The following SLC9A9 variants were observed in gnomAD, a reference collection of about 807,000 sequenced individuals.
SLC9A9 encodes sodium/hydrogen exchanger 9.
A neutral mutation model predicts 77.8 loss-of-function variants in SLC9A9; 62 were observed. That is an observed-to-expected ratio of 0.80 (90% CI 0.65 to 0.98). The LOEUF (loss-of-function observed/expected upper bound fraction) is 0.98, where lower values mean the gene tolerates loss of function less well. Ranked by LOEUF, SLC9A9 falls within the 50% of genes least tolerant of loss-of-function variation. The probability of loss-of-function intolerance (pLI) is 0.00; values close to 1 mark genes in which losing one functional copy is unlikely to be tolerated. For synonymous variants in SLC9A9, 320 were observed against 283.5 expected (o/e 1.13, Z -1.29); for missense variants, 775 against 774.9 (o/e 1.00, Z 0.00).
At chr3:143,356,642 T>C (rs1326455516) in intron 14 of SLC9A9, among the ~76,000 whole-genome samples, 2 of 152,140 alleles carry the variant, frequency 1.3e-5, no homozygotes, top group African/African-American at 4.8e-5. Flanking sequence ...TGCCTCAGCC[T>C]TCCTAGTTGG....
intron 14 of SLC9A9, among the ~76,000 whole-genome samples, chr3:143,304,453 T>C (rs928821315): frequency 1.3e-5 from 2 of 152,184 alleles, no homozygotes; most frequent in Non-Finnish European, 2.9e-5. Flanking sequence ...CAAAGCCTCT[T>C]GATAAGTTTG....
At chr3:143,614,648 C>G (rs1245957217) in intron 6 of SLC9A9, among the ~76,000 whole-genome samples, 3 of 152,112 alleles carry the variant, frequency 2.0e-5, no homozygotes, top group African/African-American at 7.2e-5. Flanking sequence ...GGTTTTTTAT[C>G]TCTCTATTAG....
chr3:143,622,103 T>C (rs1447597831), intron 6 of SLC9A9, among the ~76,000 whole-genome samples: 1 of 152,012 alleles, frequency 6.6e-6, no homozygotes, highest in Non-Finnish European at 1.5e-5. Flanking sequence ...CTCCAAGAAA[T>C]ATGGGACTAT....
chr3:143,635,058 C>T (rs1007842798), intron 6 of SLC9A9, among the ~76,000 whole-genome samples: 1 of 152,120 alleles, frequency 6.6e-6, no homozygotes, highest in African/African-American at 2.4e-5. Context: ...ATTTTGTTCA[C>T]ATTTCTGCAA....
At chr3:143,500,544 A>G (rs2035907536) in intron 9 of SLC9A9, among the ~76,000 whole-genome samples, 1 of 152,028 alleles carries the variant, frequency 6.6e-6, no homozygotes, top group Admixed American at 6.6e-5. Context: ...CCTGGATGTC[A>G]TGGCTGCTCA....
intron 4 of SLC9A9, among the ~76,000 whole-genome samples, chr3:143,736,831 C>T (rs1934954019): frequency 6.6e-6 from 1 of 152,196 alleles, no homozygotes; most frequent in African/African-American, 2.4e-5. Flanking sequence ...GATGACTCTC[C>T]TGAGCTAGGC....
intron 9 of SLC9A9, among the ~76,000 whole-genome samples, chr3:143,501,372 C>CATAATTTTAATTATAATGAGG (rs1164734496): frequency 1.0e-4 from 15 of 150,622 alleles, no homozygotes; most frequent in Non-Finnish European, 2.1e-4. Flanking sequence ...TGGACATTTG[C>CATAATTTTAATTATAATGAGG]ATAATTTTAA....
At chr3:143,683,277 G>A (rs562548131) in intron 5 of SLC9A9, among the ~76,000 whole-genome samples, 14 of 152,160 alleles carry the variant, frequency 9.2e-5, no homozygotes, top group African/African-American at 3.1e-4. Flanking sequence ...TGCAAAAACT[G>A]AGGAATTCGA....
intron 14 of SLC9A9, among the ~76,000 whole-genome samples, chr3:143,270,208 C>G (rs1213264804): frequency 1.3e-5 from 2 of 152,142 alleles, no homozygotes; most frequent in Non-Finnish European, 2.9e-5. Context: ...AAGTTCAGAG[C>G]CTGGTATTTG....
chr3:143,270,980 C>T (rs1937880419), intron 14 of SLC9A9, among the ~76,000 whole-genome samples: 1 of 152,154 alleles, frequency 6.6e-6, no homozygotes, highest in African/African-American at 2.4e-5. Context: ...AAATCGTGTG[C>T]CATTCTGAGT....
intron 1 of SLC9A9, among the ~76,000 whole-genome samples, chr3:143,836,982 AT>A (rs2108893521): frequency 6.6e-6 from 1 of 152,226 alleles, no homozygotes; most frequent in African/African-American, 2.4e-5. Context: ...TTCATAACCA[AT>A]TTCCCTTGCA....
intron 4 of SLC9A9, among the ~76,000 whole-genome samples, chr3:143,747,247 T>C (rs1446521266): frequency 6.6e-6 from 1 of 151,762 alleles, no homozygotes; most frequent in Non-Finnish European, 1.5e-5. Flanking sequence ...CTACTAAAAA[T>C]ACAAAAACCA....
At chr3:143,357,175 G>T (rs1468719873) in intron 14 of SLC9A9, among the ~76,000 whole-genome samples, 1 of 146,962 alleles carries the variant, frequency 6.8e-6, no homozygotes, top group Non-Finnish European at 1.5e-5. Context: ...AACTACTTGT[G>T]GAGTTATCTT....
At chr3:143,684,129 C>T (rs1215792617) in intron 5 of SLC9A9, among the ~76,000 whole-genome samples, 1 of 152,050 alleles carries the variant, frequency 6.6e-6, no homozygotes, top group African/African-American at 2.4e-5. Flanking sequence ...GACTGTCCCA[C>T]ACCACGAACA....
At chr3:143,792,154 G>A (rs756270590) in intron 4 of SLC9A9, among the ~76,000 whole-genome samples, 1 of 152,120 alleles carries the variant, frequency 6.6e-6, no homozygotes, top group Non-Finnish European at 1.5e-5. Flanking sequence ...GATAATCCAT[G>A]CAAAGTGCTT....
At chr3:143,541,333 C>T (rs1259173363) in intron 9 of SLC9A9, among the ~76,000 whole-genome samples, 1 of 152,124 alleles carries the variant, frequency 6.6e-6, no homozygotes. Context: ...CTTCTGCCAA[C>T]AGCCACGTAA....
intron 12 of SLC9A9, among the ~76,000 whole-genome samples, chr3:143,390,638 G>A (rs568026053): frequency 9.2e-5 from 14 of 152,290 alleles, no homozygotes; most frequent in African/African-American, 1.2e-4. Context: ...AGTGTGAGCC[G>A]AAGCAGGGCG....
intron 4 of SLC9A9, among the ~76,000 whole-genome samples, chr3:143,740,350 A>G (rs954733359): frequency 6.6e-6 from 1 of 152,218 alleles, no homozygotes; most frequent in African/African-American, 2.4e-5. Flanking sequence ...TGCATTAGGT[A>G]GCATGTAAAT....
chr3:143,847,395 T>G (rs1228524371), intron 1 of SLC9A9, among the ~76,000 whole-genome samples: 4 of 152,278 alleles, frequency 2.6e-5, no homozygotes, highest in Non-Finnish European at 4.4e-5. Flanking sequence ...TCTGTCAGAC[T>G]TTATTAAACT....
Sources: allele counts gnomAD v4.1 joint callset (sites outside exome capture counted in the v4.1 genomes callset), GRCh38; gene constraint gnomAD v4.1.1; transcripts MANE v1.5; gene names NCBI Gene and HGNC (gene_info 2026-07-23, HGNC 2026-07-21).